The following TMEM106B variants were observed in gnomAD, a reference collection of about 807,000 sequenced individuals.
The protein encoded by TMEM106B is transmembrane protein 106B.
Under a neutral mutation model 31.1 loss-of-function variants are expected in TMEM106B, and 15 were observed. The ratio of observed to expected loss-of-function variants is 0.48; its 90% CI spans 0.32 to 0.74. The LOEUF is 0.74. Among genes scored for constraint, TMEM106B ranks in the 30% least tolerant of loss-of-function variants. The pLI is 0.03. For missense variants in TMEM106B, 283 were observed against 327.3 expected, an observed-to-expected ratio of 0.86 and a Z score of 1.04; for synonymous variants, 126 against 112.5, an observed-to-expected ratio of 1.12 and a Z score of -0.76.
Position 12,238,673 on chromosome 7 carries a change from T to C in TMEM106B, c.*6698T>C, listed in dbSNP as rs1782186918. 6.6e-6 allele frequency: 1 copy of C among 152,174 alleles called. No individual in the cohort carries two copies. The highest frequency in any genetic ancestry group is 1.5e-5 in the Non-Finnish European group (1 of 68,020). The allele number at this position is 152,174 out of a possible 1,614,324, so 9.4% of individuals were successfully genotyped here. On this transcript the variant is annotated 3_prime_UTR_variant, in exon 8 of 8. Coordinates refer to ENST00000396668, the MANE Select transcript of TMEM106B (RefSeq NM_001134232.2). Reference sequence around the variant, plus strand: ...AGAATGCACGTTGTGTTAAGAGGCATGAAAACAACATTAATCTATTTGTAC... The same window carrying C: ...AGAATGCACGTTGTGTTAAGAGGCACGAAAACAACATTAATCTATTTGTAC...
intron 1 of TMEM106B, among the ~76,000 whole-genome samples, chr7:12,212,232 C>G (rs1050665982): frequency 6.6e-6 from 1 of 152,162 alleles, no homozygotes; most frequent in Admixed American, 6.5e-5. Flanking sequence ...TCAACGCGCT[C>G]CAGTTAAGAT....
intron 1 of TMEM106B, among the ~76,000 whole-genome samples, chr7:12,213,293 G>GA (rs201303186): frequency 0.033 from 4,907 of 150,844 alleles, 444 homozygotes; most frequent in East Asian, 0.19. Flanking sequence ...ACTGTTGAAT[G>GA]AAAAAAAAAC....
chr7:12,212,914 C>G (rs6460895), intron 1 of TMEM106B, among the ~76,000 whole-genome samples: 76,178 of 152,048 alleles, frequency 0.5, 19,956 homozygotes, highest in East Asian at 0.64. Flanking sequence ...TTAGGAACCG[C>G]TAAAAGACAT....
At position 12,218,495 on chromosome 7, in the gene TMEM106B, T is replaced by A. The variant is rs1781729918; in HGVS notation, c.255T>A (p.Ser85Arg). 1.2e-6 allele frequency: 2 copies of A among 1,612,322 alleles called. No homozygotes were observed. The highest frequency in any genetic ancestry group is 3.3e-5 in the Admixed American group (2 of 59,840). The change falls in exon 3 of 8, where the codon AGT becomes AGA. Residue 85 changes from serine to arginine, a missense_variant. Transcript: ENST00000396668. The stretch of plus-strand genomic sequence containing the variant: ...AACTGGTGGCATTGATTCCATATAG[T>A]GATCAGAGATTAAGGCCAAGAAGAA... ...ENQLVALIPY[S>R]DQRLRPRRTK...
chr7:12,231,635 A>T (rs2128527899), intron 7 of TMEM106B: 1 of 427,154 alleles, frequency 2.3e-6, no homozygotes, highest in South Asian at 7.6e-5. Flanking sequence ...ATGTGTAATT[A>T]TGTCTACAGG....
chr7:12,229,369 G>A (rs184148890), intron 4 of TMEM106B, among the ~76,000 whole-genome samples: 52 of 152,124 alleles, frequency 3.4e-4, no homozygotes, highest in African/African-American at 1.2e-3. Flanking sequence ...ATTATTTTAG[G>A]TACTGTTGAA....
At chr7:12,213,362 C>G (rs573270586) in intron 1 of TMEM106B, among the ~76,000 whole-genome samples, 4 of 151,998 alleles carry the variant, frequency 2.6e-5, no homozygotes, top group East Asian at 3.9e-4. Flanking sequence ...ATGTTTAAAG[C>G]AAGAAATTTA....
Position 12,234,620 on chromosome 7 carries a change from C to G in TMEM106B, c.*2645C>G, listed in dbSNP as rs1782093556. 6.6e-6 allele frequency: 1 copy of G among 151,808 alleles called. No homozygotes were observed. Among genetic ancestry groups the G allele is most frequent in the African/African-American group, 2.4e-5 (1 of 41,390 alleles). The allele number at this position is 151,808 out of a possible 1,614,324, so 9.4% of individuals were successfully genotyped here. A position where few individuals can be genotyped will look rare whatever the true frequency, so the allele number is the denominator to read the frequency against. ...TGGGAATAGGATAGGTATTAATACG[C>G]TTTTCTAAACTGCTCTCAGACCTTA... On this transcript the variant is annotated 3_prime_UTR_variant, in exon 8 of 8. Coordinates refer to ENST00000396668, the MANE Select transcript of TMEM106B (RefSeq NM_001134232.2).
Position 12,235,420 on chromosome 7 carries a change from A to G in TMEM106B, c.*3445A>G, listed in dbSNP as rs966187765. On this transcript the variant is annotated 3_prime_UTR_variant, in exon 8 of 8. Coordinates refer to ENST00000396668, the MANE Select transcript of TMEM106B (RefSeq NM_001134232.2). ...CAGTTTTTCTGTGCCTTGTTAGGCC[A>G]GTGAAGCAATTATTTTCTCTAAGAA... 6.6e-6 allele frequency: 1 copy of G among 152,198 alleles called. No homozygotes were observed. Among genetic ancestry groups the G allele is most frequent in the Non-Finnish European group, 1.5e-5 (1 of 67,824 alleles). 9.4% of individuals were successfully genotyped at this position (152,198 alleles called of 1,614,324 possible). A position where few individuals can be genotyped will look rare whatever the true frequency, so the allele number is the denominator to read the frequency against.
In TMEM106B at chr7:12,232,011, AT is replaced by A; in HGVS notation, c.*38del. ...AGATGGATTTAAAGAAGAAATATCT[AT>A]TGATATTTCCTATACTCTCAATGAA... is the stretch of plus-strand genomic sequence containing the variant. On this transcript the variant is annotated 3_prime_UTR_variant, in exon 8 of 8. Transcript: ENST00000396668. The A allele has an allele frequency of 6.3e-7, 1 of 1,597,422 alleles. No homozygotes were observed. Among genetic ancestry groups the A allele is most frequent in the Non-Finnish European group, 8.6e-7 (1 of 1,168,244 alleles).
In TMEM106B at chr7:12,241,333, T is replaced by A. The variant is rs1277917273; in HGVS notation, c.*9358T>A. ...TTGTTACATAGGTATACACGTGCCA[T>A]GTTGGTTTGCTGCACCCATCAACCC... On this transcript the variant is annotated 3_prime_UTR_variant, in exon 8 of 8. Coordinates refer to ENST00000396668, the MANE Select transcript of TMEM106B (RefSeq NM_001134232.2). The A allele has an allele frequency of 1.3e-5, 2 of 152,118 alleles. No individual in the cohort carries two copies. The allele number at this position is 152,118 out of a possible 1,614,324, so 9.4% of individuals were successfully genotyped here. A position where few individuals can be genotyped will look rare whatever the true frequency, so the allele number is the denominator to read the frequency against.
chr7:12,239,825 T>A lies in TMEM106B; in HGVS notation c.*7850T>A, dbSNP rs1033123930. 6.6e-6 allele frequency: 1 copy of A among 152,082 alleles called. No individual in the cohort carries two copies. Among genetic ancestry groups the A allele is most frequent in the Non-Finnish European group, 1.5e-5 (1 of 67,994 alleles). 9.4% of individuals were successfully genotyped at this position (152,082 alleles called of 1,614,324 possible). On this transcript the variant is annotated 3_prime_UTR_variant, in exon 8 of 8. Coordinates refer to ENST00000396668, the MANE Select transcript of TMEM106B (RefSeq NM_001134232.2). ...TACAAAAACATCAAAGATCACTGAT[T>A]ACAGATCATTAAAATAGGTTTAATA...
rs1782180305 is a variant in TMEM106B, at chr7:12,238,391, G to GA, written c.*6418dup. 1 of 152,184 alleles carries GA rather than the reference G, an allele frequency of 6.6e-6. No individual in the cohort carries two copies. The highest frequency in any genetic ancestry group is 2.4e-5 in the African/African-American group (1 of 41,410). 9.4% of individuals were successfully genotyped at this position (152,184 alleles called of 1,614,324 possible). A position where few individuals can be genotyped will look rare whatever the true frequency, so the allele number is the denominator to read the frequency against. The stretch of plus-strand genomic sequence containing the variant: ...CTGTGACTTCCTTCACTGAAGTCAT[G>GA]AACCCCTCAAAATTATCCATGAGAG... On this transcript the variant is annotated 3_prime_UTR_variant, in exon 8 of 8. Transcript: ENST00000396668.
chr7:12,233,076 A>G lies in TMEM106B; in HGVS notation c.*1101A>G, dbSNP rs964385196. 2 of 151,804 alleles carry G rather than the reference A, an allele frequency of 1.3e-5. No homozygotes were observed. The highest frequency in any genetic ancestry group is 3.0e-5 in the Non-Finnish European group (2 of 67,758). The allele number at this position is 151,804 out of a possible 1,614,324, so 9.4% of individuals were successfully genotyped here. ...AATGATGGTGGCCAAAATAAAACCT[A>G]TTTAGAAATTTAATCACTTTGCACA... On this transcript the variant is annotated 3_prime_UTR_variant, in exon 8 of 8. Transcript: ENST00000396668.
At position 12,239,063 on chromosome 7, in the gene TMEM106B, C is replaced by T. The variant is rs1464299290; in HGVS notation, c.*7088C>T. ...TTGTAAAAGAAGGTTGTTTTATCTA[C>T]ATTGAAAATATATTGTTCATTGTAA... On this transcript the variant is annotated 3_prime_UTR_variant, in exon 8 of 8. Transcript: ENST00000396668. 6.6e-6 allele frequency: 1 copy of T among 152,180 alleles called. No individual in the cohort carries two copies. Among genetic ancestry groups the T allele is most frequent in the Non-Finnish European group, 1.5e-5 (1 of 68,022 alleles). The allele number at this position is 152,180 out of a possible 1,614,324, so 9.4% of individuals were successfully genotyped here. A position where few individuals can be genotyped will look rare whatever the true frequency, so the allele number is the denominator to read the frequency against.
In TMEM106B at chr7:12,239,334, G is replaced by C. The variant is rs753955417; in HGVS notation, c.*7359G>C. The C allele has an allele frequency of 2.0e-5, 3 of 152,122 alleles. No homozygotes were observed. Among genetic ancestry groups the C allele is most frequent in the Non-Finnish European group, 4.4e-5 (3 of 68,022 alleles). The allele number at this position is 152,122 out of a possible 1,614,324, so 9.4% of individuals were successfully genotyped here. On this transcript the variant is annotated 3_prime_UTR_variant, in exon 8 of 8. Transcript: ENST00000396668. ...AGGCTTTCACTTAAGGCAATGTTGT[G>C]GCTGGTTTGATCTATTGAAACCACT... is the stretch of plus-strand genomic sequence containing the variant.
At chr7:12,213,590 C>T (rs546399925) in intron 1 of TMEM106B, among the ~76,000 whole-genome samples, 2 of 152,176 alleles carry the variant, frequency 1.3e-5, no homozygotes, top group East Asian at 3.9e-4. Context: ...TTTCAGAGAA[C>T]CTGCAGGTGT....
At position 12,236,696 on chromosome 7, in the gene TMEM106B, T is replaced by A. The variant is rs1583225030; in HGVS notation, c.*4721T>A. 1 of 152,046 alleles carries A rather than the reference T, an allele frequency of 6.6e-6. No individual in the cohort carries two copies. Among genetic ancestry groups the A allele is most frequent in the Non-Finnish European group, 1.5e-5 (1 of 67,926 alleles). The allele number at this position is 152,046 out of a possible 1,614,324, so 9.4% of individuals were successfully genotyped here. A position where few individuals can be genotyped will look rare whatever the true frequency, so the allele number is the denominator to read the frequency against. Reference sequence around the variant, plus strand: ...TGGGAGGTACTATATCAGCTGTAGTTGGGTAATTCCAAGTGCTGATAGTAC... The same window carrying A: ...TGGGAGGTACTATATCAGCTGTAGTAGGGTAATTCCAAGTGCTGATAGTAC... On this transcript the variant is annotated 3_prime_UTR_variant, in exon 8 of 8. Transcript: ENST00000396668.
rs981051012 is a variant in TMEM106B at position 12,234,930 on chromosome 7, C to T, written c.*2955C>T. ...TGAGGGACTGGCTGAAGATCACGTA[C>T]TTACTAAGTAGTACAACTGGAGCAA... On this transcript the variant is annotated 3_prime_UTR_variant, in exon 8 of 8. Transcript: ENST00000396668. 1 of 151,852 alleles carries T rather than the reference C, an allele frequency of 6.6e-6. No individual in the cohort carries two copies. Among genetic ancestry groups the T allele is most frequent in the South Asian group, 2.1e-4 (1 of 4,838 alleles). The allele number at this position is 151,852 out of a possible 1,614,324, so 9.4% of individuals were successfully genotyped here.
Sources: gnomAD v4.1 joint callset for allele counts (sites outside exome capture counted in the v4.1 genomes callset) on GRCh38, gnomAD v4.1.1 for gene constraint, MANE v1.5 for transcripts, NCBI Gene and HGNC (gene_info 2026-07-23, HGNC 2026-07-21) for gene names.